The following CATSPERZ variants were observed in gnomAD, a reference collection of about 807,000 sequenced individuals.
The protein encoded by CATSPERZ is cation channel sperm-associated auxiliary subunit zeta.
CATSPERZ carries 21 observed loss-of-function variants against 21.7 expected under a neutral mutation model. The ratio of observed to expected loss-of-function variants is 0.97; its 90% CI spans 0.69 to 1.39. The LOEUF is 1.39. Ranked by LOEUF, CATSPERZ falls within the 40% of genes most tolerant of loss-of-function variation. The probability of loss-of-function intolerance (pLI) is 0.00; values close to 1 mark genes in which losing one functional copy is unlikely to be tolerated. For missense variants in CATSPERZ, 234 were observed against 259.5 expected (o/e 0.90, Z 0.68); for synonymous variants, 127 against 108.7 (o/e 1.17, Z -1.05).
In CATSPERZ at chr11:64,304,720, C is replaced by T; in HGVS notation, c.*74C>T. 1 of 1,264,650 alleles carries T rather than the reference C, an allele frequency of 7.9e-7. No individual in the cohort carries two copies. Among genetic ancestry groups the T allele is most frequent in the Middle Eastern group, 1.9e-4 (1 of 5,344 alleles). 78.3% of individuals were successfully genotyped at this position (1,264,650 alleles called of 1,614,324 possible). On this transcript the variant is annotated 3_prime_UTR_variant, in exon 5 of 5. Transcript: ENST00000328404. ...CCCGGTCCCCAGACCCAAGCCTGACCCCATCCGAGTGGAATTTGAGTCCTA... is the reference window on the plus strand; with the variant it reads ...CCCGGTCCCCAGACCCAAGCCTGACTCCATCCGAGTGGAATTTGAGTCCTA...
intron 2 of CATSPERZ, among the ~76,000 whole-genome samples, chr11:64,301,867 C>T (rs2034932873): frequency 6.6e-6 from 1 of 152,064 alleles, no homozygotes; most frequent in African/African-American, 2.4e-5. Context: ...GAGAAAATTT[C>T]GACATGTTGC....
chr11:64,303,206 G>A (rs978667029), intron 2 of CATSPERZ, among the ~76,000 whole-genome samples: 1 of 152,186 alleles, frequency 6.6e-6, no homozygotes, highest in Admixed American at 6.5e-5. Flanking sequence ...GCCAAGAGCT[G>A]TTCTTATTAC....
At chr11:64,301,026 C>A (rs1405847251) in intron 2 of CATSPERZ, 39 bp downstream of exon 2, 1 of 1,467,578 alleles carries the variant, frequency 6.8e-7, no homozygotes, top group South Asian at 1.3e-5. Context: ...ACCCGCAGGG[C>A]AATAAGCTGG....
intron 2 of CATSPERZ, 73 bp from the exon 3 acceptor site, chr11:64,303,409 C>G: frequency 2.4e-6 from 3 of 1,259,734 alleles, no homozygotes; most frequent in Non-Finnish European, 3.4e-6. Context: ...TCACAAGGTG[C>G]CTACCCATCT....
rs1391141268 is a variant in CATSPERZ, at chr11:64,300,816, A to G, written c.181A>G (p.Lys61Glu). The G allele has an allele frequency of 1.3e-6, 2 of 1,559,734 alleles. No individual in the cohort carries two copies. The highest frequency in any genetic ancestry group is 1.4e-5 in the African/African-American group (1 of 73,514). The change falls in exon 2 of 5, where the codon AAG becomes GAG. Residue 61 changes from lysine to glutamate, a missense_variant. Coordinates refer to ENST00000328404, the MANE Select transcript of CATSPERZ (RefSeq NM_001039496.2). Reference sequence around the variant, plus strand: ...CGACGAGGAGGGCCGCAACATTAGCAAGACCCGCGGGTGGCACAGCCCGGG... The same window carrying G: ...CGACGAGGAGGGCCGCAACATTAGCGAGACCCGCGGGTGGCACAGCCCGGG... The part of the protein sequence containing the change: ...GFDEEGRNIS[K>E]TRGWHSPGRG...
At chr11:64,303,711 G>T (rs1591235714) in intron 3 of CATSPERZ, 62 bp from the exon 4 acceptor site, 11 of 1,532,506 alleles carry the variant, frequency 7.2e-6, no homozygotes, top group Non-Finnish European at 9.7e-6. Context: ...GGAGGTGGGG[G>T]CATTTCAGCT....
In CATSPERZ at chr11:64,304,681, C is replaced by A. The variant is rs773172143; in HGVS notation, c.*35C>A. The stretch of plus-strand genomic sequence containing the variant: ...CTTGGGCTCGAGCAGCGACCCGAAC[C>A]AGCCCCGTGCCAGCCCGGTCCCCAG... On this transcript the variant is annotated 3_prime_UTR_variant, in exon 5 of 5. Coordinates refer to ENST00000328404, the MANE Select transcript of CATSPERZ (RefSeq NM_001039496.2). The A allele has an allele frequency of 7.2e-6, 11 of 1,534,484 alleles. No homozygotes were observed. The South Asian group carries it at 1.3e-4, about 18-fold the overall frequency.
chr11:64,300,737 C>A lies in CATSPERZ; in HGVS notation c.102C>A (p.Thr34=), dbSNP rs2034908856. The change falls in exon 2 of 5, where the codon ACC becomes ACA. Residue 34 remains threonine (T), a synonymous_variant. Coordinates refer to ENST00000328404, the MANE Select transcript of CATSPERZ (RefSeq NM_001039496.2). ...HSDTRDLWTT[T]TLSQAQLNMP... ...ACACTCGGGACCTGTGGACCACGAC[C>A]ACGCTGTCCCAGGCACAGCTGAACA... 2 of 1,551,598 alleles carry A rather than the reference C, an allele frequency of 1.3e-6. No homozygotes were observed. The highest frequency in any genetic ancestry group is 2.0e-5 in the Admixed American group (1 of 51,070).
chr11:64,304,402 C>T (rs1336806184), intron 4 of CATSPERZ, 141 bp from the exon 5 acceptor site: 2 of 628,922 alleles, frequency 3.2e-6, no homozygotes. Flanking sequence ...CAAAGTTCCC[C>T]AGGCTAACAC....
In CATSPERZ at chr11:64,300,692, C is replaced by T. The variant is rs368010471; in HGVS notation, c.57C>T (p.Asp19=). 108 of 1,545,534 alleles carry T rather than the reference C, an allele frequency of 7.0e-5. No homozygotes were observed. The highest frequency in any genetic ancestry group is 5.9e-4 in the Admixed American group (30 of 50,934). The stretch of plus-strand genomic sequence containing the variant: ...AGTCTTCCGACCGCCAAGGCTCGGA[C>T]GAGGAGAGCGTGCATAGCGACACTC... The part of the protein sequence containing the change: ...SLKSSDRQGS[D]EESVHSDTRD... The change falls in exon 2 of 5, where the codon GAC becomes GAT. Residue 19 remains aspartate (D), a synonymous_variant. Transcript: ENST00000328404.
rs184565288 is a variant in CATSPERZ, at chr11:64,303,061, G to A, written c.353-421G>A. 1.5e-3 allele frequency among the ~76,000 whole-genome samples: 230 copies of A among 150,746 alleles called. 2 individuals are homozygous for A. Among genetic ancestry groups the A allele is most frequent in the Middle Eastern group, 7.1e-3 (2 of 282 alleles). The stretch of plus-strand genomic sequence containing the variant: ...ATTACAGGCACTTGCCAGCAAGCCC[G>A]GCTAATTTTTGTATTTTTAGTAGAG... On this transcript the variant is annotated intron_variant, in intron 2 of 4. Coordinates refer to ENST00000328404, the MANE Select transcript of CATSPERZ (RefSeq NM_001039496.2).
At chr11:64,302,278 T>G (rs2034938994) in intron 2 of CATSPERZ, among the ~76,000 whole-genome samples, 1 of 152,154 alleles carries the variant, frequency 6.6e-6, no homozygotes, top group Non-Finnish European at 1.5e-5. Context: ...TTTTTATTTA[T>G]TTATTTTTAT....
In CATSPERZ at chr11:64,304,601, C is replaced by T. The variant is rs779555813; in HGVS notation, c.558C>T (p.Ile186=). The T allele has an allele frequency of 5.7e-6, 9 of 1,586,436 alleles. No homozygotes were observed. In the Admixed American group the frequency reaches 1.4e-4, roughly 25 times the overall value. The stretch of plus-strand genomic sequence containing the variant: ...TGACTAAGGAGCTGCAGCGATACAT[C>T]GAAGGGCTCAAGAAGCGCCGGAGCA... ...HFLTKELQRY[I]EGLKKRRSKR... Residue 186 remains isoleucine, a synonymous_variant, in exon 5 of 5, where the codon ATC becomes ATT. Coordinates refer to ENST00000328404, the MANE Select transcript of CATSPERZ (RefSeq NM_001039496.2).
At chr11:64,300,534 C>T in intron 1 of CATSPERZ, 103 bp downstream of exon 1, 1 of 1,536,638 alleles carries the variant, frequency 6.5e-7, no homozygotes, top group Non-Finnish European at 8.8e-7. Context: ...CTGCCCGCAG[C>T]CCCCACCCAA....
Position 64,303,987 on chromosome 11 carries a change from G to A in CATSPERZ, c.499+148G>A, listed in dbSNP as rs533406934. 5 of 793,334 alleles carry A rather than the reference G, an allele frequency of 6.3e-6. No homozygotes were observed. The South Asian group carries it at 7.2e-5, about 11-fold the overall frequency. 49.1% of individuals were successfully genotyped at this position (793,334 alleles called of 1,614,324 possible). On this transcript the variant is annotated intron_variant, in intron 4 of 4. Transcript: ENST00000328404. The stretch of plus-strand genomic sequence containing the variant: ...CAAGTATTCCAAGGGCCCCATAAAA[G>A]TTAAAAGCTGAGGGACTGGGCACAG...
At chr11:64,303,657 T>TGGA in intron 3 of CATSPERZ, 96 bp downstream of exon 3, 1 of 879,560 alleles carries the variant, frequency 1.1e-6, no homozygotes. Context: ...GTTGGCAGGG[T>TGGA]GGAGGGGCAG....
chr11:64,300,884 G>T lies in CATSPERZ; in HGVS notation c.249G>T (p.Pro83=), dbSNP rs894958848. 4 of 1,570,434 alleles carry T rather than the reference G, an allele frequency of 2.5e-6. No homozygotes were observed. The Admixed American group carries it at 5.6e-5, about 22-fold the overall frequency. The change falls in exon 2 of 5, where the codon CCG becomes CCT. Residue 83 remains proline, a synonymous_variant. Transcript: ENST00000328404. The part of the protein sequence containing the change: ...LDEGYKASHK[P]EELDEHALVE... ...AGGGGTACAAGGCCAGCCACAAGCC[G>T]GAGGAACTGGACGAGCACGCGCTGG...
rs1391735364 is a variant in CATSPERZ, at chr11:64,300,860, G to C, written c.225G>C (p.Glu75Asp). 1 of 1,560,796 alleles carries C rather than the reference G, an allele frequency of 6.4e-7. No individual in the cohort carries two copies. Among genetic ancestry groups the C allele is most frequent in the Admixed American group, 1.9e-5 (1 of 51,732 alleles). ...GCCCGGGGCGGGGCTCGTTGGACGA[G>C]GGGTACAAGGCCAGCCACAAGCCGG... The part of the protein sequence containing the change: ...WHSPGRGSLD[E>D]GYKASHKPEE... Residue 75 changes from glutamate (E) to aspartate (D), a missense_variant, in exon 2 of 5, where the codon GAG (glutamate) becomes GAC (aspartate). Physicochemically the swap from Glu to Asp is conservative, Grantham distance 45. Coordinates refer to ENST00000328404, the MANE Select transcript of CATSPERZ (RefSeq NM_001039496.2).
Position 64,300,640 on chromosome 11 carries a change from T to G in CATSPERZ, c.22-17T>G. The G allele has an allele frequency of 6.6e-7, 1 of 1,522,252 alleles. No individual in the cohort carries two copies. Among genetic ancestry groups the G allele is most frequent in the East Asian group, 2.5e-5 (1 of 40,382 alleles). The allele number at this position is 1,522,252 out of a possible 1,614,324, so 94.3% of individuals were successfully genotyped here. The stretch of plus-strand genomic sequence containing the variant: ...CCATCCGCGACCCTTGGCTCCCTCC[T>G]TGTATGTGGCCCACAGGTGTCGCTC... On this transcript the variant is annotated splice_polypyrimidine_tract_variant and intron_variant, in intron 1 of 4. Transcript: ENST00000328404.
Sources: allele counts gnomAD v4.1 joint callset (sites outside exome capture counted in the v4.1 genomes callset), GRCh38; gene constraint gnomAD v4.1.1; transcripts MANE v1.5; gene names NCBI Gene and HGNC (gene_info 2026-07-23, HGNC 2026-07-21).